The following NDST4 variants were observed in gnomAD, a reference collection of about 807,000 sequenced individuals.
NDST4 encodes N-heparan sulfate sulfotransferase 4.
In NDST4, 63 loss-of-function variants were observed where a neutral mutation model predicts 100.8. That is an observed-to-expected ratio of 0.62 (90% CI 0.51 to 0.77). NDST4 has a LOEUF of 0.77. Among genes scored for constraint, NDST4 ranks in the 30% least tolerant of loss-of-function variants. NDST4 has a pLI of 0.00. For missense variants in NDST4, 943 were observed against 1,018.4 expected (o/e 0.93, Z 1.01); for synonymous variants, 377 against 361.8 (o/e 1.04, Z -0.48).
intron 2 of NDST4, among the ~76,000 whole-genome samples, chr4:115,052,463 G>A (rs578285): frequency 0.99 from 150,845 of 152,196 alleles, 74,757 homozygotes; most frequent in East Asian, 1. Flanking sequence ...CATAATTCCC[G>A]TGTGTGGTGG....
At chr4:114,968,568 C>T (rs1726435358) in intron 4 of NDST4, among the ~76,000 whole-genome samples, 1 of 152,178 alleles carries the variant, frequency 6.6e-6, no homozygotes, top group South Asian at 2.1e-4. Context: ...CACAACCATT[C>T]AACTCCGCCA....
intron 2 of NDST4, among the ~76,000 whole-genome samples, chr4:114,982,182 A>G (rs1726791236): frequency 6.6e-6 from 1 of 152,194 alleles, no homozygotes; most frequent in Non-Finnish European, 1.5e-5. Flanking sequence ...GAAAATGTGG[A>G]AGCAACTTTG....
intron 2 of NDST4, among the ~76,000 whole-genome samples, chr4:115,044,509 G>A (rs1368993047): frequency 6.6e-6 from 1 of 152,044 alleles, no homozygotes; most frequent in Non-Finnish European, 1.5e-5. Context: ...GAGATTCTGT[G>A]ATTAAACTGA....
intron 6 of NDST4, among the ~76,000 whole-genome samples, chr4:114,914,167 A>G (rs1368016562): frequency 6.6e-6 from 1 of 152,042 alleles, no homozygotes; most frequent in Non-Finnish European, 1.5e-5. Context: ...AGTAGAAGGA[A>G]GGTTACCAGA....
intron 7 of NDST4, among the ~76,000 whole-genome samples, chr4:114,862,924 A>T (rs1723948089): frequency 2.0e-5 from 3 of 152,152 alleles, no homozygotes; most frequent in Admixed American, 2.0e-4. Context: ...TCCTCAATAT[A>T]GGCAGATTGT....
At chr4:114,888,259 C>A (rs1256251262) in intron 6 of NDST4, among the ~76,000 whole-genome samples, 1 of 151,348 alleles carries the variant, frequency 6.6e-6, no homozygotes, top group Non-Finnish European at 1.5e-5. Context: ...TTTATTGATA[C>A]CTTGCCTTTG....
At chr4:114,952,651 T>G (rs1726041777) in intron 4 of NDST4, among the ~76,000 whole-genome samples, 1 of 152,124 alleles carries the variant, frequency 6.6e-6, no homozygotes, top group Admixed American at 6.6e-5. Flanking sequence ...GTAAGTTTGG[T>G]GAAAATAGGA....
intron 6 of NDST4, among the ~76,000 whole-genome samples, chr4:114,875,831 G>A (rs1332312410): frequency 6.6e-6 from 1 of 152,116 alleles, no homozygotes; most frequent in African/African-American, 2.4e-5. Context: ...TCACTGCCAA[G>A]TCCAGAATAG....
intron 2 of NDST4, among the ~76,000 whole-genome samples, chr4:114,987,872 AG>A (rs1286787500): frequency 1.3e-5 from 2 of 152,172 alleles, no homozygotes; most frequent in Non-Finnish European, 2.9e-5. Context: ...TGGGAAAGTG[AG>A]GTGTCTTTTG....
At chr4:114,929,058 GTCCGTCCGTCCGTCCGTCCATCCATCCA>G (rs1725446438) in intron 6 of NDST4, among the ~76,000 whole-genome samples, 1 of 99,122 alleles carries the variant, frequency 1.0e-5, no homozygotes, top group Non-Finnish European at 2.5e-5. Context: ...CCGTCCGTCC[GTCCGTCCGTCCGTCCGTCCATCCATCCA>G]TCCATCCATC....
intron 6 of NDST4, among the ~76,000 whole-genome samples, chr4:114,933,152 T>C (rs913758238): frequency 6.6e-6 from 1 of 151,988 alleles, no homozygotes; most frequent in Non-Finnish European, 1.5e-5. Context: ...AAGCAAACGG[T>C]CCAGAAATAA....
chr4:115,083,562 A>G (rs1477122196), intron 1 of NDST4, among the ~76,000 whole-genome samples: 1 of 152,166 alleles, frequency 6.6e-6, no homozygotes, highest in Non-Finnish European at 1.5e-5. Context: ...TGAATTCCAA[A>G]ATTTGTAACC....
intron 12 of NDST4, among the ~76,000 whole-genome samples, chr4:114,831,978 C>T (rs926932890): frequency 5.9e-5 from 9 of 152,160 alleles, no homozygotes; most frequent in Middle Eastern, 3.4e-3. Context: ...TTCTACTGAA[C>T]ATCACTATAG....
chr4:114,995,379 C>T (rs2126253481), intron 2 of NDST4, among the ~76,000 whole-genome samples: 1 of 152,126 alleles, frequency 6.6e-6, no homozygotes, highest in East Asian at 1.9e-4. Flanking sequence ...TTTTCAATTG[C>T]TACCTCTATT....
At chr4:114,849,091 A>T (rs1053653818) in intron 8 of NDST4, among the ~76,000 whole-genome samples, 3 of 152,204 alleles carry the variant, frequency 2.0e-5, no homozygotes, top group Non-Finnish European at 4.4e-5. Flanking sequence ...TGCTTCAATG[A>T]CTTCTCTGGC....
At chr4:114,871,638 T>G (rs570389135) in intron 6 of NDST4, among the ~76,000 whole-genome samples, 2 of 152,030 alleles carry the variant, frequency 1.3e-5, no homozygotes, top group African/African-American at 4.8e-5. Context: ...TTTAGTTCAT[T>G]AGGCATTGCA....
chr4:114,942,050 T>C (rs1052626767), intron 4 of NDST4, among the ~76,000 whole-genome samples: 1 of 152,248 alleles, frequency 6.6e-6, no homozygotes, highest in South Asian at 2.1e-4. Context: ...ATAGTAAATA[T>C]GTATTTTTCT....
chr4:114,948,032 T>C (rs1725907300), intron 4 of NDST4, among the ~76,000 whole-genome samples: 2 of 152,074 alleles, frequency 1.3e-5, no homozygotes, highest in South Asian at 4.1e-4. Flanking sequence ...CCTTCTACAA[T>C]TATATATAGC....
intron 1 of NDST4, among the ~76,000 whole-genome samples, chr4:115,110,764 C>A (rs1418551511): frequency 1.3e-5 from 2 of 151,736 alleles, no homozygotes; most frequent in Admixed American, 6.6e-5. Context: ...AAAGAAGAAA[C>A]CTTTGTTAGT....
Sources: allele counts gnomAD v4.1 joint callset (sites outside exome capture counted in the v4.1 genomes callset), GRCh38; gene constraint gnomAD v4.1.1; transcripts MANE v1.5; gene names NCBI Gene and HGNC (gene_info 2026-07-23, HGNC 2026-07-21).